The following COA6 variants were observed in gnomAD, a reference collection of about 807,000 sequenced individuals.
The protein encoded by COA6 is cytochrome c oxidase assembly factor 6 homolog.
A neutral mutation model predicts 17.1 loss-of-function variants in COA6; 12 were observed. That is an observed-to-expected ratio of 0.70 (90% CI 0.45 to 1.14). The LOEUF (loss-of-function observed/expected upper bound fraction) is 1.14. Among genes scored for constraint, COA6 ranks in the 50% most tolerant of loss-of-function variants. The pLI is 0.00. For synonymous variants in COA6, 90 were observed against 73.4 expected, an observed-to-expected ratio of 1.23 and a Z score of -1.16; for missense variants, 246 against 196.5, an observed-to-expected ratio of 1.25 and a Z score of -1.51.
At chr1:234,373,907 A>G in intron 1 of COA6, 1 of 1,556,578 alleles carries the variant, frequency 6.4e-7, no homozygotes, top group Admixed American at 1.8e-5. Flanking sequence ...ACGGGCTCGG[A>G]GAGAATAAAT....
At position 234,373,542 on chromosome 1, in the gene COA6, C is replaced by T. The variant is rs201901887; in HGVS notation, c.76C>T (p.Leu26Phe). 13 of 1,611,280 alleles carry T rather than the reference C, an allele frequency of 8.1e-6. No homozygotes were observed. Among genetic ancestry groups the T allele is most frequent in the South Asian group, 2.2e-5 (2 of 90,960 alleles). ...CTTTTTGCGGCTGGGGAGGTCTACG[C>T]TTCTAGAGCTTGAGCCAGCGGGGCG... The part of the protein sequence containing the change: ...SCFLRLGRST[L>F]LELEPAGRPC... Residue 26 changes from leucine to phenylalanine, a missense_variant, in exon 1 of 3, where the codon CTT becomes TTT. Physicochemically the swap from Leu to Phe is conservative, Grantham distance 22 (BLOSUM62 0). Coordinates refer to ENST00000366615, the MANE Select transcript of COA6 (RefSeq NM_001206641.3).
rs1553268980 is a variant in COA6, at chr1:234,385,039, C to CTTA, written c.*1223_*1224insATT. 4.9e-5 allele frequency among the ~76,000 whole-genome samples: 4 copies of CTTA among 81,038 alleles called. No homozygotes were observed. Among genetic ancestry groups the CTTA allele is most frequent in the Non-Finnish European group, 1.0e-4 (3 of 28,882 alleles). 53.2% of individuals were successfully genotyped at this position (81,038 alleles called of 152,430 possible). A position where few individuals can be genotyped will look rare whatever the true frequency, so the allele number is the denominator to read the frequency against. On this transcript the variant is annotated 3_prime_UTR_variant, in exon 3 of 3. Transcript: ENST00000366615. ...GTATATATGCCTTCATTTTAAAATA[C>CTTA]TTTTTATTACTAAAAAATGCTAAAG...
At chr1:234,378,959 A>C (rs1184507656) in intron 2 of COA6, among the ~76,000 whole-genome samples, 1 of 151,742 alleles carries the variant, frequency 6.6e-6, no homozygotes, top group African/African-American at 2.4e-5. Context: ...AGAAAATAGC[A>C]TAAGTTAGAG....
Position 234,383,639 on chromosome 1 carries a change from T to C in COA6, c.373-84T>C, listed in dbSNP as rs10797539. ...ATAAATCACTTAAATTTATGTTGAATAATATGTTACATTTAAATCTGTGCT... is the reference window on the plus strand; with the variant it reads ...ATAAATCACTTAAATTTATGTTGAACAATATGTTACATTTAAATCTGTGCT... On this transcript the variant is annotated intron_variant, in intron 2 of 2. Transcript: ENST00000366615. 245,118 of 635,424 alleles carry C rather than the reference T, an allele frequency of 0.39. 50,088 individuals are homozygous for C. Among genetic ancestry groups the C allele is most frequent in the African/African-American group, 0.62 (33,368 of 53,990 alleles). The allele number at this position is 635,424 out of a possible 1,614,324, so 39.4% of individuals were successfully genotyped here.
At chr1:234,383,573 G>GACACACACACACACAC (rs60042887) in intron 2 of COA6, 150 bp from the exon 3 acceptor site, 154 of 473,352 alleles carry the variant, frequency 3.3e-4, no homozygotes, top group Admixed American at 9.2e-4. Flanking sequence ...AGTTACAGCT[G>GACACACACACACACAC]ACACACACAC....
chr1:234,380,343 C>T (rs1201525154), intron 2 of COA6, among the ~76,000 whole-genome samples: 1 of 152,150 alleles, frequency 6.6e-6, no homozygotes, highest in African/African-American at 2.4e-5. Context: ...GTTTTTGTTG[C>T]CTTTAATTTT....
intron 1 of COA6, 176 bp downstream of exon 1, chr1:234,373,854 C>A: frequency 6.2e-7 from 1 of 1,611,582 alleles, no homozygotes; most frequent in Non-Finnish European, 8.5e-7. Context: ...CGAACAGTAA[C>A]CCTGTAAACT....
chr1:234,380,152 C>T (rs1402962250), intron 2 of COA6, among the ~76,000 whole-genome samples: 3 of 152,220 alleles, frequency 2.0e-5, no homozygotes, highest in Non-Finnish European at 4.4e-5. Flanking sequence ...ACTATCGGTT[C>T]TTTGCTCCCT....
rs2103016838 is a variant in COA6, at chr1:234,377,111, TG to T, written c.372+2723del. The stretch of plus-strand genomic sequence containing the variant: ...GAGAGAGAGAGAGAGATCCAGTCTC[TG>T]TCTCCTCTTTTTTTGTTTTTTTTGT... On this transcript the variant is annotated intron_variant, in intron 2 of 2. Transcript: ENST00000366615. 1.7e-5 allele frequency among the ~76,000 whole-genome samples: 2 copies of T among 119,566 alleles called. 1 individual carries two copies. Among genetic ancestry groups the T allele is most frequent in the East Asian group, 4.8e-4 (2 of 4,202 alleles). The allele number at this position is 119,566 out of a possible 152,430, so 78.4% of individuals were successfully genotyped here.
chr1:234,382,257 A>G (rs1465981226), intron 2 of COA6, among the ~76,000 whole-genome samples: 1 of 152,214 alleles, frequency 6.6e-6, no homozygotes, highest in African/African-American at 2.4e-5. Context: ...ATTGAGTGTC[A>G]TGTTCATGTT....
chr1:234,373,993 G>C (rs900568269), intron 1 of COA6: 126 of 1,044,700 alleles, frequency 1.2e-4, no homozygotes, highest in Non-Finnish European at 1.6e-4. Context: ...GCCCCAGCAG[G>C]GATCAAATCA....
At chr1:234,374,985 T>C (rs1457226076) in intron 2 of COA6, among the ~76,000 whole-genome samples, 3 of 152,168 alleles carry the variant, frequency 2.0e-5, no homozygotes, top group Non-Finnish European at 4.4e-5. Flanking sequence ...TCTTCACCAG[T>C]ACCTGTTAAG....
Position 234,373,456 on chromosome 1 carries a change from ATG to A in COA6, c.-10_-9del. On this transcript the variant is annotated 5_prime_UTR_variant, in exon 1 of 3. An upstream start codon of the reference 5' UTR is lost. Transcript: ENST00000366615. ...GCGAAACAGGAAGTCCCGCCCCTCT[ATG>A]GAAAGTAAATGGTAGCTCGGAAGGG... The A allele has an allele frequency of 2.0e-6, 3 of 1,498,388 alleles. No homozygotes were observed. Among genetic ancestry groups the A allele is most frequent in the African/African-American group, 1.4e-5 (1 of 71,134 alleles). 92.8% of individuals were successfully genotyped at this position (1,498,388 alleles called of 1,614,324 possible).
In COA6 at chr1:234,377,133, T is replaced by TTGTTGTTGTTGTTGTTG. The variant is rs1553268494; in HGVS notation, c.372+2745_372+2746insGTTGTTGTTGTTGTTGT. 5.2e-4 allele frequency among the ~76,000 whole-genome samples: 36 copies of TTGTTGTTGTTGTTGTTG among 69,572 alleles called. 4 individuals are homozygous for TTGTTGTTGTTGTTGTTG. Among genetic ancestry groups the TTGTTGTTGTTGTTGTTG allele is most frequent in the Admixed American group, 4.7e-3 (32 of 6,836 alleles). The allele number at this position is 69,572 out of a possible 152,430, so 45.6% of individuals were successfully genotyped here. A position where few individuals can be genotyped will look rare whatever the true frequency, so the allele number is the denominator to read the frequency against. On this transcript the variant is annotated intron_variant, in intron 2 of 2. Transcript: ENST00000366615. ...CTCTGTCTCCTCTTTTTTTGTTTTT[T>TTGTTGTTGTTGTTGTTG]TTGTTGTTGTTGAGACAGAGTCTCA...
At chr1:234,383,304 T>C (rs1292437975) in intron 2 of COA6, among the ~76,000 whole-genome samples, 4 of 139,796 alleles carry the variant, frequency 2.9e-5, no homozygotes, top group African/African-American at 1.1e-4. Context: ...GACTTTTTCA[T>C]CAAATGCCTC....
chr1:234,375,903 A>T (rs1052147424), intron 2 of COA6, among the ~76,000 whole-genome samples: 2 of 152,072 alleles, frequency 1.3e-5, no homozygotes, highest in African/African-American at 4.8e-5. Flanking sequence ...TGATCTTCCC[A>T]CCTCGACCTC....
intron 2 of COA6, among the ~76,000 whole-genome samples, chr1:234,379,004 AT>A (rs377669777): frequency 0.022 from 3,013 of 136,416 alleles, 48 homozygotes; most frequent in African/African-American, 0.046. Context: ...TACTTTTTTA[AT>A]TTTTTTTTTT....
chr1:234,377,479 T>A (rs1016683402), intron 2 of COA6, among the ~76,000 whole-genome samples: 3 of 152,138 alleles, frequency 2.0e-5, no homozygotes, highest in Non-Finnish European at 4.4e-5. Context: ...CCCACACTCA[T>A]GACCTGCACC....
intron 2 of COA6, among the ~76,000 whole-genome samples, chr1:234,375,018 G>A (rs1296861510): frequency 3.3e-5 from 5 of 152,114 alleles, no homozygotes; most frequent in South Asian, 4.1e-4. Flanking sequence ...GGCTGGGTGC[G>A]GTGGCTCACG....
Sources: allele counts gnomAD v4.1 joint callset (sites outside exome capture counted in the v4.1 genomes callset), GRCh38; gene constraint gnomAD v4.1.1; transcripts MANE v1.5; gene names NCBI Gene and HGNC (gene_info 2026-07-23, HGNC 2026-07-21).